ZFP1: variants seen among roughly 807,000 people sequenced by gnomAD.
The protein encoded by ZFP1 is zinc finger protein 1 homolog.
ZFP1 carries 32 observed loss-of-function variants against 38.5 expected under a neutral mutation model. That is an observed-to-expected ratio of 0.83 (90% CI 0.63 to 1.12). The LOEUF is 1.12. Ranked by LOEUF, ZFP1 falls within the 50% of genes most tolerant of loss-of-function variation. The pLI is 0.00. For missense variants in ZFP1, 616 were observed against 480.8 expected (o/e 1.28, Z -2.63); for synonymous variants, 245 against 168.8 (o/e 1.45, Z -3.50).
chr16:75,159,437 C>A (rs1339958189), intron 2 of ZFP1, among the ~76,000 whole-genome samples: 1 of 115,424 alleles, frequency 8.7e-6, no homozygotes, highest in Non-Finnish European at 1.7e-5. Context: ...TTGACAGAGT[C>A]TTGGTTACCC....
Position 75,169,109 on chromosome 16 carries a change from C to T in ZFP1, c.143-144C>T, listed in dbSNP as rs1257092047. 4 of 1,117,716 alleles carry T rather than the reference C, an allele frequency of 3.6e-6. No homozygotes were observed. The East Asian group carries it at 7.9e-5, about 22-fold the overall frequency. 69.2% of individuals were successfully genotyped at this position (1,117,716 alleles called of 1,614,324 possible). A position where few individuals can be genotyped will look rare whatever the true frequency, so the allele number is the denominator to read the frequency against. ...TTCAAAGTTTGAAAGGAAACATTTG[C>T]ACTGGGAATTTTTTAATATTGGGAG... On this transcript the variant is annotated intron_variant, in intron 3 of 3. Coordinates refer to ENST00000570010, the MANE Select transcript of ZFP1 (RefSeq NM_153688.4).
chr16:75,154,085 G>T (rs545688744), intron 2 of ZFP1, among the ~76,000 whole-genome samples: 1 of 152,178 alleles, frequency 6.6e-6, no homozygotes, highest in Admixed American at 6.6e-5. Flanking sequence ...TTAGCCAGGC[G>T]TGGTGGCGGG....
rs779787510 is a variant in ZFP1, at chr16:75,152,930, C to T, written c.-22C>T. ...CCAGTTCTGCCTTCATAGTTCTCTG[C>T]CTTTGCCCAAAACTGCAGAAAATGA... On this transcript the variant is annotated 5_prime_UTR_variant, in exon 2 of 4. Coordinates refer to ENST00000570010, the MANE Select transcript of ZFP1 (RefSeq NM_153688.4). 3.7e-6 allele frequency: 6 copies of T among 1,613,464 alleles called. No homozygotes were observed. The highest frequency in any genetic ancestry group is 1.6e-4 in the Middle Eastern group (1 of 6,082).
the ZFP1 span, among the ~76,000 whole-genome samples, chr16:75,121,371 C>T: frequency 2.6e-5 from 4 of 152,082 alleles, no homozygotes; most frequent in Non-Finnish European, 5.9e-5. Flanking sequence ...GTGATCCGCC[C>T]ACCTCGGCCC....
chr16:75,131,579 C>G, the ZFP1 span, among the ~76,000 whole-genome samples: 1 of 152,138 alleles, frequency 6.6e-6, no homozygotes, highest in Non-Finnish European at 1.5e-5. Context: ...ACACACTCCC[C>G]TCTCATCCTA....
chr16:75,149,243 G>A (rs1463854631), intron 1 of ZFP1: 1 of 152,120 alleles, frequency 6.6e-6, no homozygotes. Flanking sequence ...TTTCCCTAAG[G>A]TCTCACAACC....
chr16:75,161,321 G>A (rs1205646469), intron 2 of ZFP1, among the ~76,000 whole-genome samples: 3 of 151,736 alleles, frequency 2.0e-5, no homozygotes, highest in Admixed American at 6.6e-5. Flanking sequence ...TCCCCGCCTC[G>A]GCCTCTCAAA....
At chr16:75,154,610 A>G (rs118003917) in intron 2 of ZFP1, among the ~76,000 whole-genome samples, 3,434 of 136,758 alleles carry the variant, frequency 0.025, 82 homozygotes, top group South Asian at 0.077. Flanking sequence ...TAAGGAGCGG[A>G]AAGTTTAATA....
chr16:75,129,853 C>A, the ZFP1 span, among the ~76,000 whole-genome samples: 1 of 151,952 alleles, frequency 6.6e-6, no homozygotes, highest in Admixed American at 6.6e-5. Flanking sequence ...GAAGGAGAGA[C>A]CAAGGCAAGT....
chr16:75,138,181 C>T, the ZFP1 span, among the ~76,000 whole-genome samples: 7 of 151,822 alleles, frequency 4.6e-5, no homozygotes, highest in African/African-American at 1.5e-4. Flanking sequence ...GGACTACAGG[C>T]GTGCGCCACC....
the ZFP1 span, among the ~76,000 whole-genome samples, chr16:75,137,461 CTTTTTTTT>C: frequency 5.6e-5 from 5 of 89,416 alleles, no homozygotes; most frequent in South Asian, 4.3e-4. Context: ...AAAAAAAATT[CTTTTTTTT>C]TTTTTTTTTT....
rs776421728 is a variant in ZFP1, at chr16:75,169,769, CCTT to C, written c.662_664del (p.Phe221del). The C allele has an allele frequency of 3.1e-6, 5 of 1,613,458 alleles. No individual in the cohort carries two copies. The highest frequency in any genetic ancestry group is 1.3e-5 in the African/African-American group (1 of 74,988). On this transcript the variant is annotated inframe_deletion, in exon 4 of 4. Transcript: ENST00000570010. ...TATGAATGCAATGTATGTAAGAAAA[CCTT>C]CTCCCATAAGGCCAACCTCATCAAA... is the stretch of plus-strand genomic sequence containing the variant.
chr16:75,139,603 G>A, the ZFP1 span, among the ~76,000 whole-genome samples: 1 of 152,070 alleles, frequency 6.6e-6, no homozygotes, highest in Non-Finnish European at 1.5e-5. Flanking sequence ...GAGGTGGGAG[G>A]ATTGCTTGAG....
intron 2 of ZFP1, 21 bp downstream of exon 2, chr16:75,152,987 C>G (rs751288064): frequency 1.2e-6 from 2 of 1,612,956 alleles, no homozygotes; most frequent in Non-Finnish European, 1.7e-6. Context: ...TGTTTATTCC[C>G]CATTTTGCTT....
chr16:75,131,816 C>T, the ZFP1 span, among the ~76,000 whole-genome samples: 1 of 151,778 alleles, frequency 6.6e-6, no homozygotes, highest in East Asian at 1.9e-4. Context: ...ATACAAAAAA[C>T]TAGCCGTGTG....
At chr16:75,138,940 C>T in the ZFP1 span, among the ~76,000 whole-genome samples, 13 of 152,248 alleles carry the variant, frequency 8.5e-5, no homozygotes, top group South Asian at 2.7e-3. Context: ...GCTATGATGA[C>T]GTAATGGAAG....
upstream of ZFP1, among the ~76,000 whole-genome samples, chr16:75,144,991 A>T (rs913162216): frequency 3.9e-5 from 6 of 152,128 alleles, no homozygotes; most frequent in African/African-American, 1.4e-4. Context: ...CACTACCTCC[A>T]GCTTGGCTTA....
At chr16:75,130,891 G>A in the ZFP1 span, among the ~76,000 whole-genome samples, 1 of 150,974 alleles carries the variant, frequency 6.6e-6, no homozygotes, top group Non-Finnish European at 1.5e-5. Flanking sequence ...GTGGCTTCCT[G>A]TGGCCCCTCA....
At chr16:75,144,521 T>C (rs1322561944), upstream of ZFP1, among the ~76,000 whole-genome samples, 1 of 152,220 alleles carries the variant, frequency 6.6e-6, no homozygotes, top group African/African-American at 2.4e-5. Context: ...TATACATCTT[T>C]CCATAAGATT....
Sources: allele counts gnomAD v4.1 joint callset (sites outside exome capture counted in the v4.1 genomes callset), GRCh38; gene constraint gnomAD v4.1.1; transcripts MANE v1.5; gene names NCBI Gene and HGNC (gene_info 2026-07-23, HGNC 2026-07-21).